Variants in ZNF678 observed in about 807,000 individuals in gnomAD.
The protein encoded by ZNF678 is zinc finger protein 678.
A neutral mutation model predicts 3.0 loss-of-function variants in ZNF678; 5 were observed. The observed-to-expected ratio is 1.69, with a 90% CI of 0.88 to 3.56. The LOEUF (loss-of-function observed/expected upper bound fraction) is 3.56. Ranked by LOEUF, ZNF678 falls within the 30% of genes most tolerant of loss-of-function variation. The probability of loss-of-function intolerance (pLI) is 0.00; values close to 1 mark genes in which losing one functional copy is unlikely to be tolerated. For synonymous variants in ZNF678, 218 were observed against 199.6 expected, an observed-to-expected ratio of 1.09 and a Z score of -0.78; for missense variants, 593 against 605.0, an observed-to-expected ratio of 0.98 and a Z score of 0.21.
At chr1:227,570,340 T>G (rs1656805878) in intron 1 of ZNF678, among the ~76,000 whole-genome samples, 1 of 152,258 alleles carries the variant, frequency 6.6e-6, no homozygotes, top group Non-Finnish European at 1.5e-5. Flanking sequence ...TGTAGTTCTA[T>G]GTACATTGTA....
chr1:227,579,215 A>G (rs745873503), intron 1 of ZNF678, among the ~76,000 whole-genome samples: 1 of 152,078 alleles, frequency 6.6e-6, no homozygotes, highest in Non-Finnish European at 1.5e-5. Context: ...TGGTGAAGGC[A>G]ATACAGCTGG....
chr1:227,580,374 C>G (rs1490725933), intron 1 of ZNF678, among the ~76,000 whole-genome samples: 2 of 152,194 alleles, frequency 1.3e-5, no homozygotes, highest in African/African-American at 4.8e-5. Flanking sequence ...ATACTTTCAC[C>G]TTTAATACTA....
intron 1 of ZNF678, among the ~76,000 whole-genome samples, chr1:227,575,578 T>G (rs1656967483): frequency 6.6e-6 from 1 of 152,204 alleles, no homozygotes; most frequent in African/African-American, 2.4e-5. Context: ...GTTAGTTATA[T>G]TCACACGTTG....
chr1:227,594,308 CTAATTTTA>C (rs1657505108), intron 1 of ZNF678, among the ~76,000 whole-genome samples: 1 of 152,070 alleles, frequency 6.6e-6, no homozygotes, highest in Non-Finnish European at 1.5e-5. Context: ...AATGTTAAAC[CTAATTTTA>C]ATAAAACCTG....
intron 1 of ZNF678, among the ~76,000 whole-genome samples, chr1:227,564,784 T>C (rs1485917316): frequency 6.6e-6 from 1 of 152,240 alleles, no homozygotes. Context: ...CAGGCTGTAG[T>C]GCAGTGGCGC....
At chr1:227,585,000 A>G (rs1471400597) in intron 1 of ZNF678, among the ~76,000 whole-genome samples, 4 of 152,266 alleles carry the variant, frequency 2.6e-5, no homozygotes, top group Non-Finnish European at 4.4e-5. Flanking sequence ...GACAACAGCA[A>G]TAACAGAACA....
chr1:227,673,839 TTG>T (rs981865677), intron 5 of ZNF678, among the ~76,000 whole-genome samples: 19 of 152,198 alleles, frequency 1.2e-4, no homozygotes, highest in Non-Finnish European at 1.5e-5. Context: ...GAAAAGGTAA[TTG>T]TACATATTTA....
intron 1 of ZNF678, among the ~76,000 whole-genome samples, chr1:227,627,388 C>A (rs185008635): frequency 1.2e-3 from 181 of 152,152 alleles, no homozygotes; most frequent in African/African-American, 4.1e-3. Flanking sequence ...GGGGATTACC[C>A]TGTACTAGGG....
chr1:227,672,442 G>A (rs1201676427), intron 5 of ZNF678, among the ~76,000 whole-genome samples: 1 of 152,224 alleles, frequency 6.6e-6, no homozygotes, highest in Non-Finnish European at 1.5e-5. Context: ...AAACAGTATA[G>A]AGAAAAGAAA....
intron 1 of ZNF678, among the ~76,000 whole-genome samples, chr1:227,604,393 G>T (rs570816462): frequency 1.6e-4 from 25 of 152,246 alleles, no homozygotes; most frequent in African/African-American, 5.8e-4. Context: ...CTCCCTGAGG[G>T]TTATTTTTTT....
chr1:227,635,647 A>G (rs1260578642), intron 1 of ZNF678, among the ~76,000 whole-genome samples: 3 of 151,544 alleles, frequency 2.0e-5, no homozygotes, highest in Admixed American at 2.0e-4. Flanking sequence ...GGACGGGGCA[A>G]AGGTTTTATG....
chr1:227,631,248 G>A (rs1336819010), intron 1 of ZNF678, among the ~76,000 whole-genome samples: 12 of 152,090 alleles, frequency 7.9e-5, no homozygotes, highest in African/African-American at 2.7e-4. Context: ...TCCAGGGTGC[G>A]TAACCACCCA....
Position 227,650,866 on chromosome 1 carries a change from A to G in ZNF678, c.-36-90A>G, listed in dbSNP as rs184357665. ...TGTTATGGCTTTCTACATATAAGAT[A>G]ATGTCATCAACAAACAGCAGTATTT... On this transcript the variant is annotated intron_variant, in intron 2 of 3. Coordinates refer to ENST00000343776, the MANE Select transcript of ZNF678 (RefSeq NM_001367909.1). 1.2e-4 allele frequency: 108 copies of G among 924,028 alleles called. No homozygotes were observed. The African/African-American group carries it at 1.6e-3, about 14-fold the overall frequency. The allele number at this position is 924,028 out of a possible 1,614,324, so 57.2% of individuals were successfully genotyped here.
intron 1 of ZNF678, among the ~76,000 whole-genome samples, chr1:227,581,813 A>G (rs1657135295): frequency 6.6e-6 from 1 of 152,228 alleles, no homozygotes; most frequent in Non-Finnish European, 1.5e-5. Context: ...GCGTATGTTC[A>G]GCTTTAGTAT....
Position 227,631,921 on chromosome 1 carries a change from G to T in ZNF678, c.-163-14623G>T, listed in dbSNP as rs190988457. On this transcript the variant is annotated intron_variant, in intron 1 of 3. Transcript: ENST00000343776. ...TCATTGCCCCCATTTGCCACTATAG[G>T]AGTATGCACCTCACTTTAGACCTAG... is the stretch of plus-strand genomic sequence containing the variant. Among the ~76,000 whole-genome samples, 868 of 152,326 alleles carry T rather than the reference G, an allele frequency of 5.7e-3. 8 individuals are homozygous for T. The highest frequency in any genetic ancestry group is 0.02 in the African/African-American group (834 of 41,562).
At chr1:227,651,140 G>A (rs1659082399) in intron 3 of ZNF678, 64 bp downstream of exon 3, 1 of 1,580,082 alleles carries the variant, frequency 6.3e-7, no homozygotes, top group Admixed American at 1.7e-5. Context: ...ATAGTAGAGA[G>A]GGGATATACC....
chr1:227,634,121 T>A (rs567740710), intron 1 of ZNF678, among the ~76,000 whole-genome samples: 13 of 152,280 alleles, frequency 8.5e-5, no homozygotes, highest in South Asian at 8.3e-4. Flanking sequence ...ATACACCCGC[T>A]GGGCCAGAGG....
At chr1:227,593,107 AGCTTG>A in intron 1 of ZNF678, among the ~76,000 whole-genome samples, 1 of 152,286 alleles carries the variant, frequency 6.6e-6, no homozygotes, top group Non-Finnish European at 1.5e-5. Flanking sequence ...TGGCAGAGAG[AGCTTG>A]GCATGACTTA....
chr1:227,628,014 C>T (rs900995636), intron 1 of ZNF678, among the ~76,000 whole-genome samples: 1 of 152,184 alleles, frequency 6.6e-6, no homozygotes, highest in Non-Finnish European at 1.5e-5. Flanking sequence ...GCAGCACTGG[C>T]CCTTCAAGTG....
Sources: gnomAD v4.1 joint callset for allele counts (sites outside exome capture counted in the v4.1 genomes callset) on GRCh38, gnomAD v4.1.1 for gene constraint, MANE v1.5 for transcripts, NCBI Gene and HGNC (gene_info 2026-07-23, HGNC 2026-07-21) for gene names.